The following COL3A1 variants were observed in gnomAD, a reference collection of about 807,000 sequenced individuals.
COL3A1 encodes the protein collagen alpha-1(III) chain.
COL3A1 carries 46 observed loss-of-function variants against 200.9 expected under a neutral mutation model. The ratio of observed to expected loss-of-function variants is 0.23; its 90% CI spans 0.18 to 0.29. COL3A1 has a LOEUF of 0.29. Ranked by LOEUF, COL3A1 falls within the 10% of genes least tolerant of loss-of-function variation. The probability of loss-of-function intolerance (pLI) is 1.00; values close to 1 mark genes in which losing one functional copy is unlikely to be tolerated. For synonymous variants in COL3A1, 650 were observed against 628.0 expected (o/e 1.03, Z -0.52); for missense variants, 1,367 against 1,917.6 (o/e 0.71, Z 5.36).
rs16830983 is a variant in COL3A1 at position 188,990,701 on chromosome 2, C to G, written c.799-303C>G. On this transcript the variant is annotated intron_variant, in intron 10 of 50. Transcript: ENST00000304636. Reference sequence around the variant, plus strand: ...TTCTATGCAAAATATTTCGTACATTCAACCAACTGTGCCTACAACCTATCA... The same window carrying G: ...TTCTATGCAAAATATTTCGTACATTGAACCAACTGTGCCTACAACCTATCA... Among the ~76,000 whole-genome samples, 11,689 of 152,176 alleles carry G rather than the reference C, an allele frequency of 0.077. 1,342 individuals are homozygous for G. Among genetic ancestry groups the G allele is most frequent in the African/African-American group, 0.25 (10,253 of 41,498 alleles).
chr2:188,991,125 C>T (rs906380182), intron 11 of COL3A1, 68 bp downstream of exon 11: 9 of 1,497,228 alleles, frequency 6.0e-6, no homozygotes, highest in Non-Finnish European at 8.3e-6. Context: ...ATATAAGATT[C>T]ATATTGTGAG....
intron 49 of COL3A1, 49 bp from the exon 50 acceptor site, chr2:189,010,599 G>A (rs372452483): frequency 3.8e-5 from 61 of 1,612,718 alleles, no homozygotes; most frequent in Non-Finnish European, 4.9e-5. Context: ...TCCCTCGCGT[G>A]CAGTTACAAC....
intron 14 of COL3A1, among the ~76,000 whole-genome samples, chr2:188,992,591 T>C (rs1469184241): frequency 6.6e-6 from 1 of 152,100 alleles, no homozygotes; most frequent in Non-Finnish European, 1.5e-5. Flanking sequence ...ACAAAATGGA[T>C]AAAATAGATG....
Position 189,006,943 on chromosome 2 carries a change from G to C in COL3A1, c.3208G>C (p.Ala1070Pro). 6.2e-7 allele frequency: 1 copy of C among 1,613,086 alleles called. No homozygotes were observed. Among genetic ancestry groups the C allele is most frequent in the South Asian group, 1.1e-5 (1 of 91,040 alleles). ...KSGDRGESGP[A>P]GPAGAPGPAG... ...TTGAATGTTTTCATCTTAGGGCCCT[G>C]CTGGCCCTGCTGGTGCTCCCGGTCC... Residue 1070 changes from alanine to proline, a missense_variant, in exon 44 of 51, where the codon GCT (alanine) becomes CCT (proline). By Grantham distance (27) the Ala-to-Pro change is conservative (BLOSUM62 -1). Coordinates refer to ENST00000304636, the MANE Select transcript of COL3A1 (RefSeq NM_000090.4).
intron 44 of COL3A1, 70 bp downstream of exon 44, chr2:189,007,060 T>G (rs1396563414): frequency 1.0e-5 from 12 of 1,199,920 alleles, no homozygotes; most frequent in Non-Finnish European, 1.4e-5. Flanking sequence ...GTGTAGGAAA[T>G]ATTTTATTTT....
At chr2:189,006,878 G>A (rs1688596208) in intron 43 of COL3A1, 59 bp from the exon 44 acceptor site, 8 of 1,540,590 alleles carry the variant, frequency 5.2e-6, no homozygotes, top group Admixed American at 1.7e-5. Context: ...AAACGAAATT[G>A]TGTCAACACA....
In COL3A1 at chr2:188,998,696, C is replaced by T. The variant is rs1576467899; in HGVS notation, c.2000C>T (p.Ala667Val). Reference sequence around the variant, plus strand: ...CAGGGTCCAAAGGGTGATGCCGGTGCACCTGGAGCTCCAGGAGGCAAGGTA... The same window carrying T: ...CAGGGTCCAAAGGGTGATGCCGGTGTACCTGGAGCTCCAGGAGGCAAGGTA... The part of the protein sequence containing the change: ...GEPGPKGDAG[A>V]PGAPGGKGDA... The change falls in exon 29 of 51, where the codon GCA (alanine) becomes GTA (valine). Residue 667 changes from alanine (A) to valine (V), a missense_variant. By Grantham distance (64) the Ala-to-Val change is moderately conservative (BLOSUM62 0). Around this residue, in one of 5 missense-constraint regions of COL3A1, gnomAD observed 846 missense variants for 1,147.9 expected, o/e 0.74. Transcript: ENST00000304636. 6.2e-7 allele frequency: 1 copy of T among 1,613,814 alleles called. No homozygotes were observed. Among genetic ancestry groups the T allele is most frequent in the Non-Finnish European group, 8.5e-7 (1 of 1,179,898 alleles).
rs951182466 is a variant in COL3A1, at chr2:189,003,069, T to C, written c.2553+7T>C. ...TGGAGGTTCTGGACCTGCTGTAAGT[T>C]CCTTCCTCTTTCTCTGTCTATCTAT... On this transcript the variant is annotated splice_region_variant and intron_variant, in intron 36 of 50. Coordinates refer to ENST00000304636, the MANE Select transcript of COL3A1 (RefSeq NM_000090.4). 2.3e-5 allele frequency: 36 copies of C among 1,538,862 alleles called. No homozygotes were observed. The highest frequency in any genetic ancestry group is 3.0e-5 in the Non-Finnish European group (34 of 1,135,568).
rs1475540855 is a variant in COL3A1 at position 188,998,279 on chromosome 2, C to A, written c.1937C>A (p.Thr646Lys). 2 of 1,613,584 alleles carry A rather than the reference C, an allele frequency of 1.2e-6. No individual in the cohort carries two copies. Among genetic ancestry groups the A allele is most frequent in the Non-Finnish European group, 1.7e-6 (2 of 1,179,758 alleles). Residue 646 changes from threonine (T) to lysine (K), a missense_variant, in exon 28 of 51, where the codon ACA (threonine) becomes AAA (lysine). Thr to Lys is a moderately conservative substitution (Grantham distance 78, BLOSUM62 -1). This residue lies in a region of COL3A1 where 846 missense variants were observed against 1,147.9 expected (regional missense o/e 0.74). Transcript: ENST00000304636. ...GPQGLQGLPG[T>K]GGPPGENGKP... is the part of the protein sequence containing the mutation. ...GATTCTTTCTAGGGCTTGCCTGGTA[C>A]AGGTGGTCCTCCAGGAGAAAATGGA...
chr2:188,974,843 C>T (rs1687774832), intron 1 of COL3A1, among the ~76,000 whole-genome samples: 1 of 152,138 alleles, frequency 6.6e-6, no homozygotes, highest in Non-Finnish European at 1.5e-5. Flanking sequence ...TTAAAAATGG[C>T]TTTAAAATTT....
chr2:189,010,126 C>A, intron 48 of COL3A1, 52 bp from the exon 49 acceptor site: 2 of 1,572,410 alleles, frequency 1.3e-6, no homozygotes, highest in South Asian at 2.2e-5. Context: ...AACAAAATCA[C>A]TTTATTACTG....
intron 22 of COL3A1, 113 bp from the exon 23 acceptor site, chr2:188,996,012 C>A: frequency 9.0e-7 from 1 of 1,112,070 alleles, no homozygotes; most frequent in Non-Finnish European, 1.3e-6. Context: ...AAAAGATGTG[C>A]AAATCTGAGG....
intron 6 of COL3A1, 139 bp downstream of exon 6, chr2:188,988,273 C>A (rs1287058910): frequency 3.8e-6 from 3 of 789,742 alleles, no homozygotes; most frequent in South Asian, 1.5e-5. Context: ...CTGATTAAGG[C>A]TTCAAAGATG....
intron 4 of COL3A1, among the ~76,000 whole-genome samples, chr2:188,986,636 T>C (rs1688070544): frequency 6.6e-6 from 1 of 152,064 alleles, no homozygotes; most frequent in African/African-American, 2.4e-5. Context: ...ATTTTACTTG[T>C]ATCATTAAGT....
chr2:188,989,198 G>C (rs959332795), intron 7 of COL3A1, among the ~76,000 whole-genome samples, 198 bp from the exon 8 acceptor site: 4 of 151,406 alleles, frequency 2.6e-5, no homozygotes, highest in Admixed American at 2.6e-4. Flanking sequence ...CGTAATATAT[G>C]ATGCTTTTAA....
intron 31 of COL3A1, 41 bp downstream of exon 31, chr2:188,999,618 A>G: frequency 1.3e-6 from 2 of 1,508,720 alleles, no homozygotes; most frequent in South Asian, 2.2e-5. Context: ...TAAATCAGTC[A>G]TTGTAGGTTT....
chr2:189,003,543 A>G (rs1331156965), intron 37 of COL3A1, 79 bp downstream of exon 37: 7 of 1,424,564 alleles, frequency 4.9e-6, no homozygotes, highest in Non-Finnish European at 6.9e-6. Context: ...TTGAGACACT[A>G]GTTCCATAAA....
Position 188,979,216 on chromosome 2 carries a change from G to A in COL3A1, c.79+4648G>A, listed in dbSNP as rs187080569. Among the ~76,000 whole-genome samples, 440 of 151,966 alleles carry A rather than the reference G, an allele frequency of 2.9e-3. 2 individuals carry two copies. The highest frequency in any genetic ancestry group is 0.01 in the African/African-American group (422 of 41,498). ...ATTTTTCTGAAACTGTTTTTCTATA[G>A]TATTTTGTGTGGAGGATGACAGAGA... On this transcript the variant is annotated intron_variant, in intron 1 of 50. Coordinates refer to ENST00000304636, the MANE Select transcript of COL3A1 (RefSeq NM_000090.4).
chr2:189,007,229 T>G (rs1688614446), intron 44 of COL3A1, among the ~76,000 whole-genome samples: 1 of 148,698 alleles, frequency 6.7e-6, no homozygotes, highest in Non-Finnish European at 1.5e-5. Flanking sequence ...TAAACTTTCC[T>G]TTAATGACAA....
Sources: gnomAD v4.1 joint callset for allele counts (sites outside exome capture counted in the v4.1 genomes callset) on GRCh38, gnomAD v4.1.1 for gene constraint, gnomAD v4.1.1 regional missense constraint, MANE v1.5 for transcripts, NCBI Gene and HGNC (gene_info 2026-07-23, HGNC 2026-07-21) for gene names.